The following TCEA2 variants were observed in gnomAD, a reference collection of about 807,000 sequenced individuals.
TCEA2 encodes the protein transcription elongation factor A2.
TCEA2 carries 21 observed loss-of-function variants against 40.8 expected under a neutral mutation model. The observed-to-expected ratio is 0.51, with a 90% CI of 0.36 to 0.74. TCEA2 has a LOEUF of 0.74. TCEA2 is among the 30% of genes least tolerant of loss of function. The probability of loss-of-function intolerance (pLI) is 0.00; values close to 1 mark genes in which losing one functional copy is unlikely to be tolerated. For synonymous variants in TCEA2, 165 were observed against 162.7 expected (o/e 1.01, Z -0.11); for missense variants, 326 against 426.5 (o/e 0.76, Z 2.08).
At chr20:64,064,746 A>G (rs1466108021) in intron 1 of TCEA2, among the ~76,000 whole-genome samples, 4 of 151,962 alleles carry the variant, frequency 2.6e-5, no homozygotes, top group Non-Finnish European at 5.9e-5. Flanking sequence ...GTGGGCTCCC[A>G]CTCATTCCTG....
At chr20:64,067,962 G>C (rs995085913) in intron 3 of TCEA2, 85 bp from the exon 4 acceptor site, 7 of 1,036,192 alleles carry the variant, frequency 6.8e-6, no homozygotes, top group Non-Finnish European at 9.7e-6. Context: ...GTTGGTGGTC[G>C]GGCTGAGGCT....
rs891269304 is a variant in TCEA2 at position 64,072,240 on chromosome 20, C to T, written c.*60C>T. On this transcript the variant is annotated 3_prime_UTR_variant, in exon 10 of 10. Transcript: ENST00000343484. ...CCCCGGCCCACGTCCTCCGTTGACA[C>T]AGCTTCTCTGGAGACCCTAGAAGGC... is the stretch of plus-strand genomic sequence containing the variant. 43 of 1,584,504 alleles carry T rather than the reference C, an allele frequency of 2.7e-5. No homozygotes were observed. The African/African-American group carries it at 5.1e-4, about 19-fold the overall frequency.
At chr20:64,059,036 C>G (rs756165996), upstream of TCEA2, among the ~76,000 whole-genome samples, 2 of 151,994 alleles carry the variant, frequency 1.3e-5, no homozygotes, top group Non-Finnish European at 2.9e-5. Context: ...ACTAAAAATA[C>G]AAACATATTA....
At chr20:64,063,882 T>A (rs1399656901) in intron 1 of TCEA2, 1 of 157,300 alleles carries the variant, frequency 6.4e-6, no homozygotes, top group Non-Finnish European at 1.4e-5. Flanking sequence ...CCACGCTCCG[T>A]CTCTTACAGC....
chr20:64,066,341 A>C, intron 1 of TCEA2, 135 bp from the exon 2 acceptor site: 1 of 1,037,868 alleles, frequency 9.6e-7, no homozygotes. Context: ...AGGTAGAGGA[A>C]TTTTGGTTTC....
At position 64,070,268 on chromosome 20, in the gene TCEA2, C is replaced by T. The variant is rs763040468; in HGVS notation, c.526C>T (p.Arg176Trp). 43 of 1,614,124 alleles carry T rather than the reference C, an allele frequency of 2.7e-5. No individual in the cohort carries two copies. Among genetic ancestry groups the T allele is most frequent in the Non-Finnish European group, 2.9e-5 (34 of 1,179,990 alleles). Residue 176 changes from arginine to tryptophan, a missense_variant, in exon 7 of 10, where the codon CGG (arginine) becomes TGG (tryptophan). Physicochemically the swap from Arg to Trp is moderately radical, Grantham distance 101. Coordinates refer to ENST00000343484, the MANE Select transcript of TCEA2 (RefSeq NM_003195.6). ...CCTTAAAACACTTGCACGCATCTTCCGGGACGTTGGAAACACAGACATGAA... is the reference window on the plus strand; with the variant it reads ...CCTTAAAACACTTGCACGCATCTTCTGGGACGTTGGAAACACAGACATGAA... ...LSAQIEECIF[R>W]DVGNTDMKYK...
At chr20:64,058,523 A>G (rs1198623081), upstream of TCEA2, among the ~76,000 whole-genome samples, 1 of 152,254 alleles carries the variant, frequency 6.6e-6, no homozygotes, top group Admixed American at 6.5e-5. The surrounding 1 kb of genome is among the most constrained non-coding windows in gnomAD (Gnocchi z 6.7). Context: ...GGAGGAGGAA[A>G]CAGGGCCCAG....
intron 2 of TCEA2, 38 bp downstream of exon 2, chr20:64,066,576 G>T (rs2059699473): frequency 6.2e-7 from 1 of 1,606,144 alleles, no homozygotes; most frequent in Non-Finnish European, 8.5e-7. Flanking sequence ...GACAGCTCCT[G>T]GGTGCAGCCC....
Position 64,066,460 on chromosome 20 carries a change from C to G in TCEA2, c.73-16C>G. 1 of 1,613,182 alleles carries G rather than the reference C, an allele frequency of 6.2e-7. No individual in the cohort carries two copies. Among genetic ancestry groups the G allele is most frequent in the Non-Finnish European group, 8.5e-7 (1 of 1,179,290 alleles). ...AGATCTAAAGTCCTTTATGAAGGTC[C>G]TCCTTCTCCTTCCAGGAGGGAGCCA... is the stretch of plus-strand genomic sequence containing the variant. On this transcript the variant is annotated splice_polypyrimidine_tract_variant and intron_variant, in intron 1 of 9. Coordinates refer to ENST00000343484, the MANE Select transcript of TCEA2 (RefSeq NM_003195.6).
At chr20:64,059,614 T>C (rs1012360708), upstream of TCEA2, among the ~76,000 whole-genome samples, 1 of 151,910 alleles carries the variant, frequency 6.6e-6, no homozygotes, top group African/African-American at 2.4e-5. Flanking sequence ...TGCACACAGG[T>C]ATCACAGAGG....
chr20:64,072,032 G>GA, intron 9 of TCEA2, 91 bp downstream of exon 9: 1 of 1,598,856 alleles, frequency 6.3e-7, no homozygotes, highest in Non-Finnish European at 8.5e-7. Flanking sequence ...GTGAACTGGG[G>GA]ATGGCCCTGC....
rs771245495 is a variant in TCEA2 at position 64,069,353 on chromosome 20, C to T, written c.330-8C>T. On this transcript the variant is annotated splice_polypyrimidine_tract_variant and splice_region_variant and intron_variant, in intron 4 of 9. Coordinates refer to ENST00000343484, the MANE Select transcript of TCEA2 (RefSeq NM_003195.6). Reference sequence around the variant, plus strand: ...AGTCTGAACCCAGCTGGCCCTGGCTCTCTGCAGCCGCAAGAGGCCGGAGCT... The same window carrying T: ...AGTCTGAACCCAGCTGGCCCTGGCTTTCTGCAGCCGCAAGAGGCCGGAGCT... 2.5e-5 allele frequency: 40 copies of T among 1,571,780 alleles called. No homozygotes were observed. The Admixed American group carries it at 5.0e-4, about 20-fold the overall frequency.
At chr20:64,062,077 G>A (rs1236185540), upstream of TCEA2, among the ~76,000 whole-genome samples, 1 of 152,202 alleles carries the variant, frequency 6.6e-6, no homozygotes, top group African/African-American at 2.4e-5. Context: ...TTTTGGCTGC[G>A]GGGAAGCTCA....
chr20:64,069,734 G>T (rs751707917), intron 5 of TCEA2, 31 bp from the exon 6 acceptor site: 16 of 1,599,296 alleles, frequency 1.0e-5, no homozygotes, highest in East Asian at 4.5e-5. Flanking sequence ...AGAAACCAGT[G>T]GGGGAAGCTA....
At chr20:64,060,732 G>A (rs955385190), upstream of TCEA2, among the ~76,000 whole-genome samples, 1 of 152,066 alleles carries the variant, frequency 6.6e-6, no homozygotes, top group Non-Finnish European at 1.5e-5. Flanking sequence ...ATAATATCGC[G>A]GGGCCTCTGT....
chr20:64,055,766 AGAAGGCAG>A (rs2059466984), upstream of TCEA2, among the ~76,000 whole-genome samples: 1 of 152,160 alleles, frequency 6.6e-6, no homozygotes, highest in Non-Finnish European at 1.5e-5. The surrounding 1 kb of genome is among the most constrained non-coding windows in gnomAD (Gnocchi z 4.0). Flanking sequence ...GTCCCCTGCC[AGAAGGCAG>A]GGGGCTCTGC....
upstream of TCEA2, among the ~76,000 whole-genome samples, chr20:64,059,581 G>A (rs2145435429): frequency 6.0e-5 from 3 of 50,062 alleles, no homozygotes; most frequent in Middle Eastern, 0.016. Flanking sequence ...ATCCTGGCTG[G>A]CCTGTGGCCT....
At position 64,069,376 on chromosome 20, in the gene TCEA2, G is replaced by C; in HGVS notation, c.345G>C (p.Glu115Asp). 1 of 1,595,362 alleles carries C rather than the reference G, an allele frequency of 6.3e-7. No individual in the cohort carries two copies. ...EAPDPSRKRP[E>D]LPRAPSTPRI... ...CTCTCTGCAGCCGCAAGAGGCCGGA[G>C]CTGCCCAGGGCACCGTCGACTCCGA... Residue 115 changes from glutamate (E) to aspartate (D), a missense_variant, in exon 5 of 10, where the codon GAG becomes GAC. Glu to Asp is a conservative substitution (Grantham distance 45). Transcript: ENST00000343484.
chr20:64,058,912 C>T (rs1183907820), upstream of TCEA2, among the ~76,000 whole-genome samples: 20 of 152,162 alleles, frequency 1.3e-4, no homozygotes, highest in South Asian at 4.2e-4. The surrounding 1 kb of genome is among the most constrained non-coding windows in gnomAD (Gnocchi z 6.7). Flanking sequence ...GATGATGGGC[C>T]GGGCACGGTG....
Sources: allele counts gnomAD v4.1 joint callset (sites outside exome capture counted in the v4.1 genomes callset), GRCh38; gene constraint gnomAD v4.1.1; non-coding constraint Gnocchi (gnomAD v3.1); transcripts MANE v1.5; gene names NCBI Gene and HGNC (gene_info 2026-07-23, HGNC 2026-07-21).